UNC13C: variants seen among roughly 807,000 people sequenced by gnomAD.
UNC13C encodes the protein protein unc-13 homolog C.
In UNC13C, 174 loss-of-function variants were observed where a neutral mutation model predicts 245.4. The observed-to-expected ratio is 0.71, with a 90% CI of 0.63 to 0.80. UNC13C has a LOEUF of 0.80. UNC13C is among the 30% of genes least tolerant of loss of function. The probability of loss-of-function intolerance (pLI) is 0.00; values close to 1 mark genes in which losing one functional copy is unlikely to be tolerated. For missense variants in UNC13C, 2,829 were observed against 2,602.9 expected (o/e 1.09, Z -1.89); for synonymous variants, 992 against 895.1 (o/e 1.11, Z -1.93).
chr15:54,213,728 CA>C (rs1378867898), intron 4 of UNC13C, among the ~76,000 whole-genome samples: 2 of 151,980 alleles, frequency 1.3e-5, no homozygotes, highest in African/African-American at 4.8e-5. Context: ...TGCATGTAAC[CA>C]AAAATAGATA....
chr15:54,402,148 A>C (rs1158622656), intron 18 of UNC13C, among the ~76,000 whole-genome samples: 3 of 152,086 alleles, frequency 2.0e-5, no homozygotes, highest in Non-Finnish European at 2.9e-5. Context: ...AGTTTTGCAG[A>C]CCTGCAGTTC....
intron 17 of UNC13C, among the ~76,000 whole-genome samples, chr15:54,378,298 C>G (rs1477532939): frequency 6.6e-6 from 1 of 152,126 alleles, no homozygotes; most frequent in Non-Finnish European, 1.5e-5. Context: ...GTTCTAAGCA[C>G]TACCAGTGCT....
the UNC13C span, among the ~76,000 whole-genome samples, chr15:53,849,642 T>G: frequency 6.6e-6 from 1 of 152,256 alleles, no homozygotes; most frequent in African/African-American, 2.4e-5. Context: ...TTCTTCTTAT[T>G]GCATGTTTTC....
At chr15:53,882,209 G>T in the UNC13C span, among the ~76,000 whole-genome samples, 1 of 152,056 alleles carries the variant, frequency 6.6e-6, no homozygotes, top group African/African-American at 2.4e-5. Context: ...AATACTAAAT[G>T]TTTAACATAA....
At chr15:53,982,792 G>A (rs1893977105) in intron 1 of UNC13C, among the ~76,000 whole-genome samples, 1 of 152,066 alleles carries the variant, frequency 6.6e-6, no homozygotes, top group Non-Finnish European at 1.5e-5. Context: ...CTGTTGGACT[G>A]GTTAGATGTT....
chr15:54,365,441 C>A (rs955850716), intron 17 of UNC13C, among the ~76,000 whole-genome samples: 1 of 152,006 alleles, frequency 6.6e-6, no homozygotes, highest in Non-Finnish European at 1.5e-5. Flanking sequence ...TCAGTCTATA[C>A]AACTTGATAA....
At chr15:53,926,999 T>C in the UNC13C span, among the ~76,000 whole-genome samples, 1 of 152,222 alleles carries the variant, frequency 6.6e-6, no homozygotes, top group Non-Finnish European at 1.5e-5. Context: ...CTTAAGCAGA[T>C]AGATTGTCAT....
At chr15:53,968,216 A>G in the UNC13C span, 3 of 152,180 alleles carry the variant, frequency 2.0e-5, no homozygotes, top group African/African-American at 7.2e-5. Flanking sequence ...ACAGGAGATA[A>G]GAGACTGCAT....
At chr15:54,046,013 T>G (rs998409581) in intron 2 of UNC13C, among the ~76,000 whole-genome samples, 2 of 152,232 alleles carry the variant, frequency 1.3e-5, no homozygotes, top group African/African-American at 4.8e-5. Flanking sequence ...TCCATTTCTA[T>G]CATTTCTCAC....
chr15:54,272,892 G>A (rs934259764), intron 10 of UNC13C, among the ~76,000 whole-genome samples: 1 of 152,198 alleles, frequency 6.6e-6, no homozygotes, highest in African/African-American at 2.4e-5. Flanking sequence ...TTAATTCACA[G>A]TCAGTAAACT....
chr15:54,315,444 G>T, intron 13 of UNC13C, among the ~76,000 whole-genome samples: 2 of 150,046 alleles, frequency 1.3e-5, no homozygotes, highest in South Asian at 2.1e-4. Context: ...CAGTTTCCTG[G>T]GTTTACTTTT....
At chr15:54,292,109 A>G (rs982875903) in intron 10 of UNC13C, among the ~76,000 whole-genome samples, 1 of 151,978 alleles carries the variant, frequency 6.6e-6, no homozygotes, top group Non-Finnish European at 1.5e-5. Flanking sequence ...TCAAAATGGA[A>G]AGGAAGCCTT....
chr15:54,455,208 TATATA>T (rs1891435285), intron 19 of UNC13C, among the ~76,000 whole-genome samples: 1 of 56,672 alleles, frequency 1.8e-5, no homozygotes, highest in African/African-American at 7.5e-5. Context: ...TCTCTCTCTA[TATATA>T]TATATATATA....
At chr15:54,369,222 G>A (rs12593070) in intron 17 of UNC13C, among the ~76,000 whole-genome samples, 1 of 151,440 alleles carries the variant, frequency 6.6e-6, no homozygotes, top group African/African-American at 2.4e-5. Context: ...TTGAATGCTA[G>A]AGGACATCAG....
At chr15:54,278,346 G>T (rs915462443) in intron 10 of UNC13C, among the ~76,000 whole-genome samples, 1 of 152,076 alleles carries the variant, frequency 6.6e-6, no homozygotes, top group African/African-American at 2.4e-5. Flanking sequence ...ATATTCTCAT[G>T]TGAGCTTGAA....
intron 28 of UNC13C, among the ~76,000 whole-genome samples, chr15:54,551,748 ATTATTGGCT>A: frequency 6.6e-6 from 1 of 152,096 alleles, no homozygotes; most frequent in South Asian, 2.1e-4. Context: ...ATCATATTCC[ATTATTGGCT>A]TTTGAGTTTT....
At chr15:54,025,023 A>G (rs1418960107) in intron 2 of UNC13C, among the ~76,000 whole-genome samples, 4 of 152,248 alleles carry the variant, frequency 2.6e-5, no homozygotes, top group Non-Finnish European at 4.4e-5. Context: ...TATTAAATAA[A>G]CCATCTGAAG....
chr15:54,497,795 G>A (rs971910700), intron 20 of UNC13C, among the ~76,000 whole-genome samples: 1 of 151,976 alleles, frequency 6.6e-6, no homozygotes, highest in Non-Finnish European at 1.5e-5. Context: ...CATACATTGT[G>A]TACAAAAAAT....
chr15:54,245,975 G>A (rs2035979792), intron 7 of UNC13C, among the ~76,000 whole-genome samples: 1 of 152,010 alleles, frequency 6.6e-6, no homozygotes, highest in Non-Finnish European at 1.5e-5. Context: ...GAAACAATGT[G>A]GCAAATGGAG....
Sources: allele counts gnomAD v4.1 joint callset (sites outside exome capture counted in the v4.1 genomes callset), GRCh38; gene constraint gnomAD v4.1.1; transcripts MANE v1.5; gene names NCBI Gene and HGNC (gene_info 2026-07-23, HGNC 2026-07-21).